The following FBN1 variants were observed in gnomAD, a reference collection of about 807,000 sequenced individuals.
The protein encoded by FBN1 is fibrillin 1.
FBN1 carries 29 observed loss-of-function variants against 365.1 expected under a neutral mutation model. The ratio of observed to expected loss-of-function variants is 0.08; its 90% CI spans 0.06 to 0.11. The LOEUF (loss-of-function observed/expected upper bound fraction) is 0.11, where lower values mean the gene tolerates loss of function less well. FBN1 is among the 10% of genes least tolerant of loss of function. The pLI, the probability that FBN1 is intolerant of heterozygous loss-of-function variation, is 1.00. For synonymous variants in FBN1, 1,210 were observed against 1,270.5 expected, an observed-to-expected ratio of 0.95 and a Z score of 1.01; for missense variants, 2,476 against 3,703.2, an observed-to-expected ratio of 0.67 and a Z score of 8.60.
chr15:48,515,536 A>T lies in FBN1; in HGVS notation c.1328-9T>A, dbSNP rs1209671382. 1.9e-6 allele frequency: 3 copies of T among 1,613,728 alleles called. No individual in the cohort carries two copies. The highest frequency in any genetic ancestry group is 2.5e-6 in the Non-Finnish European group (3 of 1,179,814). On this transcript the variant is annotated splice_polypyrimidine_tract_variant and intron_variant, in intron 11 of 65. Coordinates refer to ENST00000316623, the MANE Select transcript of FBN1 (RefSeq NM_000138.5). Reference sequence around the variant, plus strand: ...GTTTACTGGCAGCACCCCTAGAAGAACATTAAGCCCCATTAAAATTATTTT... The same window carrying T: ...GTTTACTGGCAGCACCCCTAGAAGATCATTAAGCCCCATTAAAATTATTTT...
intron 2 of FBN1, among the ~76,000 whole-genome samples, chr15:48,636,169 C>T (rs1336343474): frequency 2.0e-5 from 3 of 152,120 alleles, no homozygotes; most frequent in East Asian, 3.8e-4. Context: ...CCAGGTCATG[C>T]GATTCCAGGC....
chr15:48,496,015 G>A (rs1365366493), intron 20 of FBN1, 85 bp downstream of exon 20: 2 of 1,532,224 alleles, frequency 1.3e-6, no homozygotes, highest in Admixed American at 1.7e-5. Context: ...TAAAATACAG[G>A]AGACTCTAAT....
chr15:48,474,690 A>C (rs1213353737), intron 32 of FBN1, 40 bp from the exon 33 acceptor site: 1 of 1,613,712 alleles, frequency 6.2e-7, no homozygotes, highest in South Asian at 1.1e-5. Flanking sequence ...GGCTCAGCAC[A>C]AATGTCTTTT....
At chr15:48,551,042 T>C (rs543625516) in intron 6 of FBN1, among the ~76,000 whole-genome samples, 1 of 152,344 alleles carries the variant, frequency 6.6e-6, no homozygotes, top group East Asian at 1.9e-4. Flanking sequence ...CCTTAATCTT[T>C]TGAACTATTC....
intron 24 of FBN1, among the ~76,000 whole-genome samples, chr15:48,490,411 G>A (rs1207376364): frequency 1.3e-5 from 2 of 152,042 alleles, no homozygotes; most frequent in African/African-American, 4.8e-5. Flanking sequence ...ACCTATCACC[G>A]ATGCGTGCAT....
intron 6 of FBN1, among the ~76,000 whole-genome samples, chr15:48,540,990 T>A (rs1793277688): frequency 6.6e-6 from 1 of 152,136 alleles, no homozygotes; most frequent in Admixed American, 6.6e-5. Context: ...TATGGTGTTT[T>A]GTGAGTGACA....
chr15:48,602,539 A>G (rs1463924264), intron 4 of FBN1, among the ~76,000 whole-genome samples: 2 of 152,194 alleles, frequency 1.3e-5, no homozygotes, highest in Non-Finnish European at 2.9e-5. Flanking sequence ...GAGACTTAGA[A>G]GTTGTCCATT....
intron 6 of FBN1, among the ~76,000 whole-genome samples, chr15:48,555,807 G>A (rs754999603): frequency 9.9e-5 from 15 of 152,162 alleles, no homozygotes; most frequent in Admixed American, 2.0e-4. Flanking sequence ...GAGCTCATGT[G>A]AAGTTAATTA....
intron 19 of FBN1, 23 bp from the exon 20 acceptor site, chr15:48,496,248 CACTT>C: frequency 6.2e-7 from 1 of 1,613,226 alleles, no homozygotes; most frequent in Non-Finnish European, 8.5e-7. Flanking sequence ...TGAAAATAAA[CACTT>C]AAAAAGGGCC....
intron 38 of FBN1, among the ~76,000 whole-genome samples, 190 bp from the exon 39 acceptor site, chr15:48,466,048 T>C (rs1016494806): frequency 6.6e-6 from 1 of 152,226 alleles, no homozygotes; most frequent in African/African-American, 2.4e-5. Flanking sequence ...TTTTATTATG[T>C]GTCCCCAGTG....
At chr15:48,435,698 G>GTATATATA (rs57999131) in intron 53 of FBN1, among the ~76,000 whole-genome samples, 1 of 111,432 alleles carries the variant, frequency 9.0e-6, no homozygotes, top group Non-Finnish European at 2.0e-5. Flanking sequence ...GTGCATGTGT[G>GTATATATA]TGTGTATATA....
chr15:48,584,177 T>C (rs2044418263), intron 6 of FBN1, among the ~76,000 whole-genome samples: 1 of 152,210 alleles, frequency 6.6e-6, no homozygotes, highest in Non-Finnish European at 1.5e-5. Flanking sequence ...AAGTACTTTG[T>C]GGATGATCTC....
intron 31 of FBN1, among the ~76,000 whole-genome samples, chr15:48,482,323 A>C (rs1757099667): frequency 6.6e-6 from 1 of 152,208 alleles, no homozygotes; most frequent in African/African-American, 2.4e-5. Context: ...AAATATAATC[A>C]ATACCAGACT....
At chr15:48,554,669 A>G (rs957034257) in intron 6 of FBN1, among the ~76,000 whole-genome samples, 1 of 152,330 alleles carries the variant, frequency 6.6e-6, no homozygotes, top group East Asian at 1.9e-4. Context: ...TAACTAACAC[A>G]TACATGACAT....
intron 2 of FBN1, chr15:48,643,358 C>A (rs527751693): frequency 6.6e-6 from 1 of 152,274 alleles, no homozygotes; most frequent in East Asian, 1.9e-4. Flanking sequence ...AAGATGGAAC[C>A]GAATTAATCA....
At chr15:48,564,018 C>G (rs2044242444) in intron 6 of FBN1, among the ~76,000 whole-genome samples, 1 of 152,164 alleles carries the variant, frequency 6.6e-6, no homozygotes, top group Admixed American at 6.5e-5. Flanking sequence ...ATCACGCATG[C>G]TCTGCACTTC....
Position 48,432,991 on chromosome 15 carries a change from G to A in FBN1, c.6617-3C>T. 1 of 1,613,092 alleles carries A rather than the reference G, an allele frequency of 6.2e-7. No homozygotes were observed. The highest frequency in any genetic ancestry group is 8.5e-7 in the Non-Finnish European group (1 of 1,179,448). On this transcript the variant is annotated splice_region_variant and splice_polypyrimidine_tract_variant and intron_variant, in intron 54 of 65. Coordinates refer to ENST00000316623, the MANE Select transcript of FBN1 (RefSeq NM_000138.5). The stretch of plus-strand genomic sequence containing the variant: ...ATTCTGGGCACATTCATTTATATCT[G>A]CAGCAGAGGAGAGTAAGTAAATAAG...
At chr15:48,445,210 G>A (rs1341166509) in intron 48 of FBN1, among the ~76,000 whole-genome samples, 166 bp downstream of exon 48, 1 of 142,450 alleles carries the variant, frequency 7.0e-6, no homozygotes, top group Non-Finnish European at 1.5e-5. Context: ...ATATATATGT[G>A]TATATATACT....
At chr15:48,612,231 T>C (rs564754952) in intron 3 of FBN1, among the ~76,000 whole-genome samples, 3 of 152,354 alleles carry the variant, frequency 2.0e-5, no homozygotes, top group Admixed American at 6.5e-5. Flanking sequence ...CAATATAGTC[T>C]ATTGAATACT....
Sources: gnomAD v4.1 joint callset for allele counts (sites outside exome capture counted in the v4.1 genomes callset) on GRCh38, gnomAD v4.1.1 for gene constraint, MANE v1.5 for transcripts, NCBI Gene and HGNC (gene_info 2026-07-23, HGNC 2026-07-21) for gene names.